KANSL1: variants seen among roughly 807,000 people sequenced by gnomAD.
The protein encoded by KANSL1 is MLL1/MLL complex subunit KANSL1.
In KANSL1, 22 loss-of-function variants were observed where a neutral mutation model predicts 103.6. That is an observed-to-expected ratio of 0.21 (90% confidence interval 0.15 to 0.30). The LOEUF is 0.30. Among genes scored for constraint, KANSL1 ranks in the 10% least tolerant of loss-of-function variants. KANSL1 has a pLI of 1.00. For synonymous variants in KANSL1, 600 were observed against 527.6 expected (o/e 1.14, Z -1.88); for missense variants, 1,337 against 1,399.8 (o/e 0.96, Z 0.72).
intron 1 of KANSL1, among the ~76,000 whole-genome samples, chr17:46,186,322 G>T (rs28540465): frequency 5.3e-5 from 8 of 151,510 alleles, no homozygotes; most frequent in African/African-American, 1.7e-4. Flanking sequence ...GGCAGAGCTT[G>T]CAGTGAGCTG....
chr17:46,063,861 A>G (rs1456943014), intron 6 of KANSL1, among the ~76,000 whole-genome samples: 3 of 150,820 alleles, frequency 2.0e-5, no homozygotes, highest in African/African-American at 4.8e-5. Context: ...AACTGCCAAA[A>G]CAGAGGAAGG....
chr17:46,065,770 C>T (rs562024628), intron 6 of KANSL1, among the ~76,000 whole-genome samples: 2 of 152,324 alleles, frequency 1.3e-5, no homozygotes, highest in South Asian at 4.1e-4. Flanking sequence ...TTTGAAGAGT[C>T]AGCAATCTAA....
intron 8 of KANSL1, 124 bp from the exon 9 acceptor site, chr17:46,039,339 T>G: frequency 3.4e-6 from 3 of 885,342 alleles, no homozygotes; most frequent in Non-Finnish European, 4.9e-6. Flanking sequence ...GGACAGTCCT[T>G]CAGGACTGAA....
intron 1 of KANSL1, among the ~76,000 whole-genome samples, chr17:46,181,237 G>A (rs190326498): frequency 5.8e-4 from 88 of 152,268 alleles, no homozygotes; most frequent in African/African-American, 1.9e-3. Flanking sequence ...CCTTTGTGAC[G>A]AAATCCTTCT....
intron 2 of KANSL1, among the ~76,000 whole-genome samples, chr17:46,124,502 A>G (rs908357789): frequency 4.6e-5 from 7 of 152,250 alleles, no homozygotes; most frequent in Admixed American, 4.6e-4. Context: ...TGTGCAGCCC[A>G]CAGATCAAGC....
At chr17:46,140,772 C>T (rs1918800) in intron 2 of KANSL1, among the ~76,000 whole-genome samples, 18,612 of 149,948 alleles carry the variant, frequency 0.12, 21 homozygotes, top group Middle Eastern at 0.19. Context: ...GCACCTGAAA[C>T]GATTATCAGC....
At chr17:46,138,394 A>G (rs2044258900) in intron 2 of KANSL1, among the ~76,000 whole-genome samples, 2 of 152,264 alleles carry the variant, frequency 1.3e-5, no homozygotes, top group Admixed American at 6.5e-5. Context: ...ACAACTATTT[A>G]CATAGCATTT....
At chr17:46,122,798 T>C (rs2043339524) in intron 2 of KANSL1, among the ~76,000 whole-genome samples, 1 of 152,354 alleles carries the variant, frequency 6.6e-6, no homozygotes, top group South Asian at 2.1e-4. Flanking sequence ...ACACTGCCAT[T>C]GTAATTTCTG....
At position 46,170,708 on chromosome 17, in the gene KANSL1, C is replaced by A. The variant is rs190627038; in HGVS notation, c.1289+147G>T. On this transcript the variant is annotated intron_variant, in intron 2 of 14. Coordinates refer to ENST00000432791, the MANE Select transcript of KANSL1 (RefSeq NM_015443.4). ...CCCCTTCTTCACTAGCATGTATATGCACTCATCTACCCAACATCAGGGAAA... is the reference window on the plus strand; with the variant it reads ...CCCCTTCTTCACTAGCATGTATATGAACTCATCTACCCAACATCAGGGAAA... 33 of 863,532 alleles carry A rather than the reference C, an allele frequency of 3.8e-5. No homozygotes were observed. In the East Asian group the frequency reaches 7.4e-4, roughly 19 times the overall value. The allele number at this position is 863,532 out of a possible 1,614,324, so 53.5% of individuals were successfully genotyped here.
intron 1 of KANSL1, among the ~76,000 whole-genome samples, chr17:46,211,007 G>A (rs187844362): frequency 6.6e-5 from 10 of 152,202 alleles, no homozygotes; most frequent in Middle Eastern, 3.4e-3. Flanking sequence ...TAAAAAGGTG[G>A]TTCTTACCTT....
At chr17:46,100,104 G>A (rs2042245383) in intron 2 of KANSL1, among the ~76,000 whole-genome samples, 1 of 152,166 alleles carries the variant, frequency 6.6e-6, no homozygotes, top group South Asian at 2.1e-4. Flanking sequence ...ACAGAGAATT[G>A]AGAATGCTCT....
rs1388031807 is a variant in KANSL1 at position 46,030,484 on chromosome 17, G to C, written c.*992C>G. 2.0e-5 allele frequency: 3 copies of C among 151,816 alleles called. No individual in the cohort carries two copies. The highest frequency in any genetic ancestry group is 2.9e-5 in the Non-Finnish European group (2 of 68,028). The allele number at this position is 151,816 out of a possible 1,614,324, so 9.4% of individuals were successfully genotyped here. On this transcript the variant is annotated 3_prime_UTR_variant, in exon 15 of 15. Transcript: ENST00000432791. Reference sequence around the variant, plus strand: ...GGGGGAACAATGGGAACCACAGCTAGGACCAGACAATGTTCCACAGGCAAG... The same window carrying C: ...GGGGGAACAATGGGAACCACAGCTACGACCAGACAATGTTCCACAGGCAAG...
At chr17:46,205,359 C>T (rs2047928136) in intron 1 of KANSL1, among the ~76,000 whole-genome samples, 1 of 151,926 alleles carries the variant, frequency 6.6e-6, no homozygotes, top group Non-Finnish European at 1.5e-5. Flanking sequence ...AAAAATTCCA[C>T]TTACAATAGC....
rs34473927 is a variant in KANSL1 at position 46,052,964 on chromosome 17, CAAAAAAAAAAAAAAAAAA to C, written c.1849-2278_1849-2261del. Among the ~76,000 whole-genome samples, 136 of 32,972 alleles carry C rather than the reference CAAAAAAAAAAAAAAAAAA, an allele frequency of 4.1e-3. 3 individuals carry two copies. Among genetic ancestry groups the C allele is most frequent in the Non-Finnish European group, 5.6e-3 (96 of 17,110 alleles). 21.6% of individuals were successfully genotyped at this position (32,972 alleles called of 152,430 possible). A position where few individuals can be genotyped will look rare whatever the true frequency, so the allele number is the denominator to read the frequency against. ...GGGAAAAAGAGTAAGATCCTGTCTC[CAAAAAAAAAAAAAAAAAA>C]AAAAAAAAAAAAAAAAAAAAAAAGG... On this transcript the variant is annotated intron_variant, in intron 6 of 14. Transcript: ENST00000432791.
chr17:46,068,073 T>C (rs2078447517), intron 4 of KANSL1, among the ~76,000 whole-genome samples: 7 of 152,040 alleles, frequency 4.6e-5, no homozygotes, highest in Admixed American at 4.6e-4. Context: ...GACAGGAAAA[T>C]GACCTCAATA....
chr17:46,211,098 C>T (rs935487544), intron 1 of KANSL1, among the ~76,000 whole-genome samples: 1 of 151,284 alleles, frequency 6.6e-6, no homozygotes, highest in African/African-American at 2.4e-5. Context: ...ACAGCATGGA[C>T]AAATGAAAAG....
intron 6 of KANSL1, among the ~76,000 whole-genome samples, chr17:46,065,127 C>T (rs1449957785): frequency 7.0e-6 from 1 of 142,154 alleles, no homozygotes; most frequent in East Asian, 2.1e-4. Flanking sequence ...CACGCTCGCC[C>T]ACAGCAGGCT....
At chr17:46,120,873 A>T (rs2147185620) in intron 2 of KANSL1, among the ~76,000 whole-genome samples, 1 of 152,286 alleles carries the variant, frequency 6.6e-6, no homozygotes, top group East Asian at 1.9e-4. Context: ...AGATTCAAAG[A>T]GAGAATGTTT....
intron 3 of KANSL1, among the ~76,000 whole-genome samples, chr17:46,086,182 C>T (rs1339639719): frequency 1.8e-5 from 2 of 112,704 alleles, no homozygotes; most frequent in African/African-American, 2.6e-5. Context: ...AAAGTAAGGA[C>T]GCAGTCAGTA....
Sources: allele counts gnomAD v4.1 joint callset (sites outside exome capture counted in the v4.1 genomes callset), GRCh38; gene constraint gnomAD v4.1.1; transcripts MANE v1.5; gene names NCBI Gene and HGNC (gene_info 2026-07-23, HGNC 2026-07-21).